SCFD2: variants seen among roughly 807,000 people sequenced by gnomAD.
SCFD2 encodes sec1 family domain containing 2.
A neutral mutation model predicts 58.9 loss-of-function variants in SCFD2; 54 were observed. The observed-to-expected ratio is 0.92, with a 90% CI of 0.74 to 1.15. SCFD2 has a LOEUF of 1.15. SCFD2 is among the 50% of genes most tolerant of loss of function. The pLI is 0.00. For synonymous variants in SCFD2, 321 were observed against 335.9 expected, an observed-to-expected ratio of 0.96 and a Z score of 0.49; for missense variants, 805 against 836.6, an observed-to-expected ratio of 0.96 and a Z score of 0.47.
intron 5 of SCFD2, among the ~76,000 whole-genome samples, chr4:52,996,845 C>A (rs913331217): frequency 6.6e-6 from 1 of 152,172 alleles, no homozygotes; most frequent in African/African-American, 2.4e-5. Context: ...AAGGATCAAC[C>A]CAAGAGAAGG....
intron 5 of SCFD2, among the ~76,000 whole-genome samples, chr4:53,009,909 T>A (rs1214420656): frequency 6.6e-6 from 1 of 152,202 alleles, no homozygotes; most frequent in Non-Finnish European, 1.5e-5. Context: ...TTCCTGTAGC[T>A]TTCCCAAAAC....
intron 3 of SCFD2, among the ~76,000 whole-genome samples, chr4:53,280,333 T>C (rs1731470862): frequency 6.6e-6 from 1 of 152,110 alleles, no homozygotes; most frequent in African/African-American, 2.4e-5. Flanking sequence ...CTGGCCAACA[T>C]GGCGAAACCC....
At chr4:52,899,196 T>C (rs1411074252) in intron 7 of SCFD2, among the ~76,000 whole-genome samples, 1 of 152,210 alleles carries the variant, frequency 6.6e-6, no homozygotes, top group Non-Finnish European at 1.5e-5. Flanking sequence ...GTCATTATGA[T>C]GTTAGCTGGT....
intron 5 of SCFD2, among the ~76,000 whole-genome samples, chr4:53,082,106 C>T (rs1399739184): frequency 1.3e-5 from 2 of 152,130 alleles, no homozygotes; most frequent in Admixed American, 6.6e-5. Context: ...AGTTGCTGAA[C>T]ATCTGGGTTG....
intron 5 of SCFD2, among the ~76,000 whole-genome samples, chr4:52,942,663 G>C (rs756009475): frequency 6.6e-6 from 1 of 152,166 alleles, no homozygotes; most frequent in Non-Finnish European, 1.5e-5. Flanking sequence ...CTGACACTGA[G>C]AGAAAGGCAA....
At chr4:53,271,860 C>A (rs1428882760) in intron 4 of SCFD2, among the ~76,000 whole-genome samples, 13 of 152,166 alleles carry the variant, frequency 8.5e-5, no homozygotes, top group East Asian at 5.8e-4. Flanking sequence ...AATGGGATCT[C>A]ATTAAACTAA....
At chr4:53,007,799 G>A (rs201585459) in intron 5 of SCFD2, among the ~76,000 whole-genome samples, 2 of 152,208 alleles carry the variant, frequency 1.3e-5, no homozygotes, top group East Asian at 1.9e-4. Flanking sequence ...TTATTTATAA[G>A]CATGAGGAGC....
intron 5 of SCFD2, among the ~76,000 whole-genome samples, chr4:53,098,273 A>G (rs915090839): frequency 2.0e-5 from 3 of 152,184 alleles, no homozygotes; most frequent in African/African-American, 7.2e-5. Flanking sequence ...ATTGATTGGA[A>G]TAGTTTCAGA....
chr4:53,169,966 TC>T (rs1727129481), intron 4 of SCFD2, among the ~76,000 whole-genome samples: 1 of 152,204 alleles, frequency 6.6e-6, no homozygotes, highest in Non-Finnish European at 1.5e-5. Context: ...AAATATTTTC[TC>T]CCAGTCTCTC....
At chr4:52,921,931 C>T (rs914106753) in intron 5 of SCFD2, among the ~76,000 whole-genome samples, 1 of 152,068 alleles carries the variant, frequency 6.6e-6, no homozygotes, top group African/African-American at 2.4e-5. Flanking sequence ...TTTCTCTTCC[C>T]GTGGAGGAAT....
intron 4 of SCFD2, among the ~76,000 whole-genome samples, chr4:53,203,049 A>T (rs1208732088): frequency 1.3e-5 from 2 of 152,148 alleles, no homozygotes; most frequent in Admixed American, 6.5e-5. Context: ...CCTGGCCAGA[A>T]CTTCCAACAC....
chr4:53,164,106 G>A (rs577449432), intron 4 of SCFD2, among the ~76,000 whole-genome samples: 2 of 152,266 alleles, frequency 1.3e-5, no homozygotes, highest in South Asian at 2.1e-4. Flanking sequence ...AGAGAAATGA[G>A]ATGAACACTC....
At chr4:52,953,030 A>G (rs1720636713) in intron 5 of SCFD2, among the ~76,000 whole-genome samples, 2 of 152,214 alleles carry the variant, frequency 1.3e-5, no homozygotes, top group Non-Finnish European at 2.9e-5. Context: ...TCTGCTGGGT[A>G]GGGTGAATAT....
chr4:53,004,475 GCATTTACTA>G (rs1721929034), intron 5 of SCFD2, among the ~76,000 whole-genome samples: 1 of 152,174 alleles, frequency 6.6e-6, no homozygotes, highest in African/African-American at 2.4e-5. Flanking sequence ...CACATGCCCG[GCATTTACTA>G]CATTTAATTC....
At chr4:53,016,322 T>C (rs1722213194) in intron 5 of SCFD2, among the ~76,000 whole-genome samples, 1 of 152,206 alleles carries the variant, frequency 6.6e-6, no homozygotes, top group Non-Finnish European at 1.5e-5. Flanking sequence ...AATCTCATGT[T>C]TGTAATATTA....
intron 5 of SCFD2, among the ~76,000 whole-genome samples, chr4:53,072,514 A>G (rs1336148165): frequency 1.3e-5 from 2 of 152,056 alleles, no homozygotes; most frequent in Admixed American, 6.6e-5. Flanking sequence ...CCCCGTGTAC[A>G]GTGAAGAAAC....
At chr4:52,976,337 G>C (rs989412988) in intron 5 of SCFD2, among the ~76,000 whole-genome samples, 1 of 152,116 alleles carries the variant, frequency 6.6e-6, no homozygotes, top group African/African-American at 2.4e-5. Context: ...TTGATAAAGG[G>C]AATTGTTAGG....
chr4:53,137,198 G>A (rs1725967923), intron 5 of SCFD2, among the ~76,000 whole-genome samples: 1 of 152,180 alleles, frequency 6.6e-6, no homozygotes, highest in African/African-American at 2.4e-5. Context: ...ATCTAGCCAA[G>A]GATGCAAGTC....
At chr4:52,898,025 G>T (rs376060338) in intron 7 of SCFD2, among the ~76,000 whole-genome samples, 5 of 152,070 alleles carry the variant, frequency 3.3e-5, no homozygotes, top group Admixed American at 2.0e-4. Context: ...TTGTTATTGC[G>T]TCTATTTGAT....
Sources: gnomAD v4.1 joint callset for allele counts (sites outside exome capture counted in the v4.1 genomes callset) on GRCh38, gnomAD v4.1.1 for gene constraint, MANE v1.5 for transcripts, NCBI Gene and HGNC (gene_info 2026-07-23, HGNC 2026-07-21) for gene names.